HDAC4: variants seen among roughly 807,000 people sequenced by gnomAD.
HDAC4 encodes histone deacetylase 4.
HDAC4 carries 16 observed loss-of-function variants against 135.1 expected under a neutral mutation model. The observed-to-expected ratio is 0.12, with a 90% CI of 0.08 to 0.18. The LOEUF (loss-of-function observed/expected upper bound fraction) is 0.18, where lower values mean the gene tolerates loss of function less well. HDAC4 is among the 10% of genes least tolerant of loss of function. HDAC4 has a pLI of 1.00. For missense variants in HDAC4, 1,143 were observed against 1,511.8 expected, an observed-to-expected ratio of 0.76 and a Z score of 4.05; for synonymous variants, 685 against 653.4, an observed-to-expected ratio of 1.05 and a Z score of -0.74.
chr2:239,094,755 C>G, intron 17 of HDAC4: 1 of 1,344,940 alleles, frequency 7.4e-7, no homozygotes, highest in South Asian at 1.5e-5. Context: ...GATCCTGTTT[C>G]TTAAAGCGAG....
At chr2:239,203,546 G>A (rs542063021) in intron 3 of HDAC4, among the ~76,000 whole-genome samples, 4 of 152,248 alleles carry the variant, frequency 2.6e-5, no homozygotes, top group South Asian at 2.1e-4. Flanking sequence ...AAGCTGAACC[G>A]CTTTAACTGA....
At position 239,049,115 on chromosome 2, in the gene HDAC4, C is replaced by A. The variant is rs1190081813; in HGVS notation, c.*3982G>T. The A allele has an allele frequency of 6.6e-6, 1 of 152,282 alleles. No homozygotes were observed. The highest frequency in any genetic ancestry group is 2.4e-5 in the African/African-American group (1 of 41,458). 9.4% of individuals were successfully genotyped at this position (152,282 alleles called of 1,614,324 possible). A position where few individuals can be genotyped will look rare whatever the true frequency, so the allele number is the denominator to read the frequency against. On this transcript the variant is annotated 3_prime_UTR_variant, in exon 27 of 27. Transcript: ENST00000543185. ...CTAAAACACTGTTTCCACATAAATA[C>A]AATAAACTCTATTATTGGTATGTCA...
intron 4 of HDAC4, 29 bp from the exon 5 acceptor site, chr2:239,176,592 C>G (rs1324966974): frequency 1.2e-6 from 2 of 1,606,084 alleles, no homozygotes; most frequent in Admixed American, 1.7e-5. Flanking sequence ...GACAGACGGT[C>G]AGAGCCCAGG....
intron 4 of HDAC4, among the ~76,000 whole-genome samples, chr2:239,179,141 G>A (rs1465911308): frequency 2.6e-5 from 4 of 152,024 alleles, no homozygotes; most frequent in African/African-American, 9.7e-5. Context: ...GAGGCATAGA[G>A]TGGGGTGTGC....
chr2:239,208,750 A>T (rs1160576298), intron 3 of HDAC4, among the ~76,000 whole-genome samples: 1 of 152,178 alleles, frequency 6.6e-6, no homozygotes, highest in African/African-American at 2.4e-5. Flanking sequence ...ATAGAAATCC[A>T]ATTCCACTTC....
intron 2 of HDAC4, among the ~76,000 whole-genome samples, chr2:239,351,207 C>A (rs1693129434): frequency 6.6e-6 from 1 of 152,172 alleles, no homozygotes; most frequent in South Asian, 2.1e-4. Flanking sequence ...TAGAAGTTTA[C>A]AAAATATATG....
At chr2:239,246,551 G>A (rs1305432934) in intron 2 of HDAC4, among the ~76,000 whole-genome samples, 2 of 143,552 alleles carry the variant, frequency 1.4e-5, no homozygotes, top group Admixed American at 6.9e-5. Flanking sequence ...TGGCCACGGC[G>A]CCGGCAGGAG....
In HDAC4 at chr2:239,111,687, C is replaced by T. The variant is rs2038684560; in HGVS notation, c.1817G>A (p.Arg606Gln). ...RQQALLLEQQ[R>Q]IHQLRNYQAS... ...CTGGTAGTTCCTCAGCTGGTGGATC[C>T]GCTGCTGCTCCAGCAGGAGGGCTTG... Residue 606 changes from arginine to glutamine, a missense_variant, in exon 14 of 27, where the codon CGG (arginine) becomes CAG (glutamine). Physicochemically the swap from Arg to Gln is conservative, Grantham distance 43. Transcript: ENST00000543185. The T allele has an allele frequency of 1.2e-6, 2 of 1,602,054 alleles. No individual in the cohort carries two copies. The highest frequency in any genetic ancestry group is 1.7e-6 in the Non-Finnish European group (2 of 1,175,008).
chr2:239,397,959 G>A lies in HDAC4; in HGVS notation c.-220+3019C>T, dbSNP rs539234616. Among the ~76,000 whole-genome samples, 161 of 152,224 alleles carry A rather than the reference G, an allele frequency of 1.1e-3. 5 individuals are homozygous for A. The South Asian group carries it at 0.032, about 30-fold the overall frequency. On this transcript the variant is annotated intron_variant, in intron 1 of 26. Transcript: ENST00000543185. ...CACTCCCTCCAAATCCATCCTTTCC[G>A]ACTCCTTACCCCAGGACAGACTGGG...
In HDAC4 at chr2:239,111,629, G is replaced by A. The variant is rs2152799515; in HGVS notation, c.1875C>T (p.Ser625=). The A allele has an allele frequency of 6.2e-7, 1 of 1,609,830 alleles. No individual in the cohort carries two copies. The highest frequency in any genetic ancestry group is 8.5e-7 in the Non-Finnish European group (1 of 1,178,746). ...GGGACAGAGGCCTGTGGCCGCCGAA[G>A]GACACGGGGATGCCGGCGGCCTCCA... The part of the protein sequence containing the change: ...ASMEAAGIPV[S]FGGHRPLSRA... The change falls in exon 14 of 27, where the codon TCC becomes TCT. Residue 625 remains serine, a synonymous_variant. Transcript: ENST00000543185.
intron 2 of HDAC4, among the ~76,000 whole-genome samples, chr2:239,338,502 T>G (rs1692090819): frequency 6.6e-6 from 1 of 152,142 alleles, no homozygotes; most frequent in African/African-American, 2.4e-5. Flanking sequence ...CTATTAAAAT[T>G]GACACACTAA....
At chr2:239,100,814 G>T (rs973793176) in intron 16 of HDAC4, among the ~76,000 whole-genome samples, 1 of 152,126 alleles carries the variant, frequency 6.6e-6, no homozygotes, top group Admixed American at 6.5e-5. Context: ...AGGGGTAGGG[G>T]CTTGGCATCC....
At chr2:239,063,140 A>G (rs1277403670) in intron 24 of HDAC4, among the ~76,000 whole-genome samples, 1 of 151,680 alleles carries the variant, frequency 6.6e-6, no homozygotes, top group African/African-American at 2.4e-5. Flanking sequence ...CTTGCTCTGT[A>G]GTGGGTCATG....
chr2:239,297,216 C>T (rs1348972519), intron 2 of HDAC4, among the ~76,000 whole-genome samples: 1 of 152,144 alleles, frequency 6.6e-6, no homozygotes, highest in Non-Finnish European at 1.5e-5. Context: ...GAGCCCCCAA[C>T]CTTCCCACGA....
At position 239,115,324 on chromosome 2, in the gene HDAC4, G is replaced by A. The variant is rs2152810400; in HGVS notation, c.1534-14C>T. On this transcript the variant is annotated splice_polypyrimidine_tract_variant and intron_variant, in intron 12 of 26. Transcript: ENST00000543185. This position sits in a 1 kb window ranked among gnomAD's most constrained non-coding sequence, Gnocchi z 6.3. ...CTTGGGGATGATCTGCAAGGCGGAG[G>A]TAACACATGAAGCACAGAGAGCTGG... The A allele has an allele frequency of 6.2e-7, 1 of 1,613,028 alleles. No individual in the cohort carries two copies. The highest frequency in any genetic ancestry group is 8.5e-7 in the Non-Finnish European group (1 of 1,179,960).
intron 7 of HDAC4, among the ~76,000 whole-genome samples, chr2:239,152,051 T>A (rs1180864048): frequency 6.6e-6 from 1 of 152,104 alleles, no homozygotes; most frequent in Non-Finnish European, 1.5e-5. Flanking sequence ...AATTTAAGAG[T>A]CATTATAAAA....
At position 239,141,485 on chromosome 2, in the gene HDAC4, C is replaced by T. The variant is rs982550784; in HGVS notation, c.866-1689G>A. On this transcript the variant is annotated intron_variant, in intron 8 of 26. Coordinates refer to ENST00000543185, the MANE Select transcript of HDAC4 (RefSeq NM_001378414.1). This position sits in a 1 kb window ranked among gnomAD's most constrained non-coding sequence, Gnocchi z 4.9. ...ACTAACTCCAGAGGTAGGCTTCTCCCGCTGCCGAGGCCATGTTATTTGCAC... is the reference window on the plus strand; with the variant it reads ...ACTAACTCCAGAGGTAGGCTTCTCCTGCTGCCGAGGCCATGTTATTTGCAC... 8.5e-5 allele frequency among the ~76,000 whole-genome samples: 13 copies of T among 152,318 alleles called. No homozygotes were observed. Among genetic ancestry groups the T allele is most frequent in the Middle Eastern group, 3.4e-3 (1 of 294 alleles).
intron 3 of HDAC4, among the ~76,000 whole-genome samples, chr2:239,192,335 T>C (rs879611573): frequency 1.3e-5 from 2 of 151,886 alleles, no homozygotes; most frequent in Non-Finnish European, 2.9e-5. Context: ...CTGGACCCTA[T>C]TCATTTCCTT....
rs557008947 is a variant in HDAC4, at chr2:239,048,738, G to A, written c.*4359C>T. On this transcript the variant is annotated 3_prime_UTR_variant, in exon 27 of 27. Coordinates refer to ENST00000543185, the MANE Select transcript of HDAC4 (RefSeq NM_001378414.1). Reference sequence around the variant, plus strand: ...TCAATGCCAGAGACAAAGTGAGGCCGAGCTAAGAACACGCTCAGCTTCGTT... The same window carrying A: ...TCAATGCCAGAGACAAAGTGAGGCCAAGCTAAGAACACGCTCAGCTTCGTT... The A allele has an allele frequency of 1.3e-5, 2 of 152,328 alleles. No homozygotes were observed. The highest frequency in any genetic ancestry group is 6.5e-5 in the Admixed American group (1 of 15,302). 9.4% of individuals were successfully genotyped at this position (152,328 alleles called of 1,614,324 possible).
Sources: allele counts gnomAD v4.1 joint callset (sites outside exome capture counted in the v4.1 genomes callset), GRCh38; gene constraint gnomAD v4.1.1; non-coding constraint Gnocchi (gnomAD v3.1); transcripts MANE v1.5; gene names NCBI Gene and HGNC (gene_info 2026-07-23, HGNC 2026-07-21).